SRGAP1: variants seen among roughly 807,000 people sequenced by gnomAD.
The protein encoded by SRGAP1 is SLIT-ROBO Rho GTPase-activating protein 1.
In SRGAP1, 43 loss-of-function variants were observed where a neutral mutation model predicts 121.9. That is an observed-to-expected ratio of 0.35 (90% CI 0.28 to 0.46). The LOEUF (loss-of-function observed/expected upper bound fraction) is 0.46. Among genes scored for constraint, SRGAP1 ranks in the 20% least tolerant of loss-of-function variants. The pLI, the probability that SRGAP1 is intolerant of heterozygous loss-of-function variation, is 1.00. For synonymous variants in SRGAP1, 447 were observed against 485.4 expected, an observed-to-expected ratio of 0.92 and a Z score of 1.04; for missense variants, 1,102 against 1,350.9, an observed-to-expected ratio of 0.82 and a Z score of 2.89.
intron 3 of SRGAP1, among the ~76,000 whole-genome samples, chr12:64,010,325 G>C (rs2034215104): frequency 6.6e-6 from 1 of 152,140 alleles, no homozygotes; most frequent in Non-Finnish European, 1.5e-5. Context: ...TCACTTGATA[G>C]ATTGCTCAGT....
intron 1 of SRGAP1, among the ~76,000 whole-genome samples, chr12:63,882,974 C>T (rs1023164525): frequency 2.0e-5 from 3 of 151,886 alleles, no homozygotes; most frequent in Non-Finnish European, 2.9e-5. Context: ...GTCTCTGAAG[C>T]GTATGAGGAG....
intron 1 of SRGAP1, among the ~76,000 whole-genome samples, chr12:63,858,371 C>G (rs1224692634): frequency 6.6e-6 from 1 of 151,612 alleles, no homozygotes; most frequent in Non-Finnish European, 1.5e-5. Flanking sequence ...ACTTTGCTGC[C>G]CAGGCTGGTC....
At chr12:63,961,745 T>G (rs564041983) in intron 1 of SRGAP1, among the ~76,000 whole-genome samples, 1 of 152,226 alleles carries the variant, frequency 6.6e-6, no homozygotes. Context: ...TTTCCCTGAT[T>G]CATGGAGCTT....
chr12:63,963,886 C>A (rs2032712721), intron 1 of SRGAP1, among the ~76,000 whole-genome samples: 1 of 152,068 alleles, frequency 6.6e-6, no homozygotes, highest in African/African-American at 2.4e-5. Flanking sequence ...CCAGTATACC[C>A]AAATAGAACT....
At chr12:63,987,075 G>A (rs2033438204) in intron 2 of SRGAP1, among the ~76,000 whole-genome samples, 1 of 152,186 alleles carries the variant, frequency 6.6e-6, no homozygotes. Flanking sequence ...GTCCTAACTT[G>A]TAAAATGAGG....
At chr12:63,896,578 A>G (rs1422273984) in intron 1 of SRGAP1, among the ~76,000 whole-genome samples, 1 of 152,192 alleles carries the variant, frequency 6.6e-6, no homozygotes, top group African/African-American at 2.4e-5. Context: ...GAGAATGTGT[A>G]CCCTGTCTAA....
intron 1 of SRGAP1, among the ~76,000 whole-genome samples, chr12:63,913,191 C>CTTTTTTTTTTTTTTTTTT (rs1565947652): frequency 8.9e-6 from 1 of 111,810 alleles, no homozygotes; most frequent in Admixed American, 1.1e-4. Context: ...CTGGTAAATC[C>CTTTTTTTTTTTTTTTTTT]TTCTTTTTTT....
At chr12:63,967,207 A>G (rs1002033817) in intron 1 of SRGAP1, among the ~76,000 whole-genome samples, 1 of 152,188 alleles carries the variant, frequency 6.6e-6, no homozygotes, top group Non-Finnish European at 1.5e-5. Flanking sequence ...TTGCGGGGCC[A>G]GGGTGGGAGG....
Position 64,097,222 on chromosome 12 carries a change from GTT to G in SRGAP1, c.1679-4_1679-3del, listed in dbSNP as rs750731050. The G allele has an allele frequency of 3.1e-3, 4,495 of 1,431,780 alleles. No individual in the cohort carries two copies. Among genetic ancestry groups the G allele is most frequent in the South Asian group, 7.6e-3 (565 of 74,446 alleles). The allele number at this position is 1,431,780 out of a possible 1,614,324, so 88.7% of individuals were successfully genotyped here. The stretch of plus-strand genomic sequence containing the variant: ...AAAAGAAGCACTGTTAATGTAATGA[GTT>G]TTTTTTTTTTTTTTAGGTGAAAATC... On this transcript the variant is annotated splice_polypyrimidine_tract_variant and intron_variant, in intron 14 of 21. Transcript: ENST00000355086.
At chr12:63,882,496 C>G (rs1305226720) in intron 1 of SRGAP1, among the ~76,000 whole-genome samples, 2 of 152,112 alleles carry the variant, frequency 1.3e-5, no homozygotes, top group African/African-American at 4.8e-5. Context: ...GTTGGCCAGG[C>G]TGGTCTCGAA....
At chr12:64,035,029 C>G (rs2034869238) in intron 4 of SRGAP1, among the ~76,000 whole-genome samples, 1 of 148,106 alleles carries the variant, frequency 6.8e-6, no homozygotes, top group Non-Finnish European at 1.5e-5. Flanking sequence ...TCTTTCAGCC[C>G]TGATGCTGGG....
At chr12:64,091,428 A>G in intron 12 of SRGAP1, 50 bp downstream of exon 12, 1 of 1,374,708 alleles carries the variant, frequency 7.3e-7, no homozygotes, top group Admixed American at 1.7e-5. Context: ...TCTTACTATA[A>G]TGGTCTCAGC....
intron 1 of SRGAP1, among the ~76,000 whole-genome samples, chr12:63,889,992 T>C (rs773410688): frequency 6.6e-6 from 1 of 152,348 alleles, no homozygotes; most frequent in South Asian, 2.1e-4. Flanking sequence ...CTTTATCTGT[T>C]TGTTCCATGA....
At position 64,145,111 on chromosome 12, in the gene SRGAP1, G is replaced by T. The variant is rs2136658416; in HGVS notation, c.*2439G>T. The T allele has an allele frequency of 6.6e-6, 1 of 152,206 alleles. No homozygotes were observed. Among genetic ancestry groups the T allele is most frequent in the South Asian group, 2.1e-4 (1 of 4,816 alleles). 9.4% of individuals were successfully genotyped at this position (152,206 alleles called of 1,614,324 possible). A position where few individuals can be genotyped will look rare whatever the true frequency, so the allele number is the denominator to read the frequency against. ...CTCCCAAAGTGCTGGGATTACAGAT[G>T]TGAGCCACCATGCCCGGCCATTCCA... On this transcript the variant is annotated 3_prime_UTR_variant, in exon 22 of 22. Transcript: ENST00000355086.
intron 10 of SRGAP1, among the ~76,000 whole-genome samples, chr12:64,085,106 C>G (rs920502641): frequency 2.0e-5 from 3 of 152,070 alleles, no homozygotes; most frequent in Non-Finnish European, 2.9e-5. Context: ...GATCTCAGGA[C>G]TGGGATTAAA....
chr12:64,063,622 C>T (rs1340590846), intron 7 of SRGAP1, among the ~76,000 whole-genome samples: 1 of 151,728 alleles, frequency 6.6e-6, no homozygotes, highest in Admixed American at 6.6e-5. Flanking sequence ...TGTTTTAGAT[C>T]CTTTATATAA....
At chr12:64,112,523 G>A (rs1185213142) in intron 17 of SRGAP1, among the ~76,000 whole-genome samples, 3 of 152,070 alleles carry the variant, frequency 2.0e-5, no homozygotes, top group African/African-American at 7.2e-5. Flanking sequence ...AAAATTTTTA[G>A]CATGGCAATA....
At chr12:63,928,792 G>C (rs190863246) in intron 1 of SRGAP1, among the ~76,000 whole-genome samples, 2 of 152,272 alleles carry the variant, frequency 1.3e-5, no homozygotes, top group East Asian at 3.9e-4. Context: ...CTGTCTGGGG[G>C]TGACAGGAGA....
intron 1 of SRGAP1, among the ~76,000 whole-genome samples, chr12:63,944,939 C>G (rs1255857063): frequency 2.6e-5 from 4 of 152,206 alleles, no homozygotes; most frequent in Non-Finnish European, 4.4e-5. Context: ...GTAGGCTGCT[C>G]TGCCTCCCAC....
Sources: gnomAD v4.1 joint callset for allele counts (sites outside exome capture counted in the v4.1 genomes callset) on GRCh38, gnomAD v4.1.1 for gene constraint, MANE v1.5 for transcripts, NCBI Gene and HGNC (gene_info 2026-07-23, HGNC 2026-07-21) for gene names.